Variants in MARCHF8 observed in about 807,000 individuals in gnomAD.
The protein encoded by MARCHF8 is membrane associated ring-CH-type finger 8.
A neutral mutation model predicts 51.6 loss-of-function variants in MARCHF8; 40 were observed. The observed-to-expected ratio is 0.77, with a 90% confidence interval of 0.60 to 1.01. MARCHF8 has a LOEUF of 1.01. MARCHF8 is among the 50% of genes least tolerant of loss of function. The probability of loss-of-function intolerance (pLI) is 0.00; values close to 1 mark genes in which losing one functional copy is unlikely to be tolerated. For missense variants in MARCHF8, 685 were observed against 708.6 expected, an observed-to-expected ratio of 0.97 and a Z score of 0.38; for synonymous variants, 263 against 280.3, an observed-to-expected ratio of 0.94 and a Z score of 0.62.
At chr10:45,537,134 T>C (rs567332518), upstream of MARCHF8, among the ~76,000 whole-genome samples, 1 of 152,022 alleles carries the variant, frequency 6.6e-6, no homozygotes, top group South Asian at 2.1e-4. Context: ...AATCCTAGGG[T>C]ATATACACCA....
upstream of MARCHF8, among the ~76,000 whole-genome samples, chr10:45,537,653 A>C (rs1192262827): frequency 6.4e-5 from 9 of 140,208 alleles, no homozygotes; most frequent in Admixed American, 5.0e-4. Flanking sequence ...ACCTTGTCTC[A>C]AAAAAAAAAA....
At chr10:45,569,154 C>T (rs2044401178) in intron 1 of MARCHF8, among the ~76,000 whole-genome samples, 1 of 151,978 alleles carries the variant, frequency 6.6e-6, no homozygotes, top group Non-Finnish European at 1.5e-5. Context: ...TGAATGCAGC[C>T]CTTAAGCCAT....
At chr10:45,485,278 G>A (rs1177099133) in intron 3 of MARCHF8, among the ~76,000 whole-genome samples, 1 of 152,194 alleles carries the variant, frequency 6.6e-6, no homozygotes, top group Non-Finnish European at 1.5e-5. Flanking sequence ...GCAGTGATAA[G>A]TGCGATCCTG....
At chr10:45,556,636 G>A (rs2044254540) in intron 1 of MARCHF8, among the ~76,000 whole-genome samples, 1 of 152,192 alleles carries the variant, frequency 6.6e-6, no homozygotes, top group Admixed American at 6.5e-5. Context: ...AGGATTTCCT[G>A]CTTTATGTTA....
intron 1 of MARCHF8, among the ~76,000 whole-genome samples, chr10:45,587,486 T>G (rs1211326030): frequency 6.6e-6 from 1 of 152,152 alleles, no homozygotes; most frequent in Admixed American, 6.6e-5. Flanking sequence ...TTCGATGACA[T>G]TAAAATAGCA....
At chr10:45,579,215 GA>G (rs2133416053) in intron 1 of MARCHF8, among the ~76,000 whole-genome samples, 1 of 152,234 alleles carries the variant, frequency 6.6e-6, no homozygotes, top group East Asian at 1.9e-4. Context: ...TGCATAAAAA[GA>G]AAGGGGGAAA....
At chr10:45,584,533 T>G (rs1488779480) in intron 1 of MARCHF8, among the ~76,000 whole-genome samples, 1 of 152,120 alleles carries the variant, frequency 6.6e-6, no homozygotes, top group Admixed American at 6.6e-5. Context: ...CTCCAATGTC[T>G]GCTAAGGTAA....
chr10:45,526,527 C>T (rs2043796980), intron 2 of MARCHF8, among the ~76,000 whole-genome samples: 1 of 152,122 alleles, frequency 6.6e-6, no homozygotes, highest in Admixed American at 6.5e-5. Flanking sequence ...CTGCTACCAG[C>T]CAACAAGCCA....
chr10:45,484,386 G>A (rs2042943610), intron 3 of MARCHF8, among the ~76,000 whole-genome samples: 1 of 152,174 alleles, frequency 6.6e-6, no homozygotes, highest in South Asian at 2.1e-4. Context: ...CCTGCGGTGA[G>A]GTGAAGGTCT....
chr10:45,490,041 C>G (rs2043054549), intron 2 of MARCHF8, among the ~76,000 whole-genome samples: 1 of 152,200 alleles, frequency 6.6e-6, no homozygotes, highest in Non-Finnish European at 1.5e-5. Context: ...CAAATTCTTC[C>G]TCCTCTCAAT....
intron 1 of MARCHF8, among the ~76,000 whole-genome samples, chr10:45,577,056 C>T (rs1385549529): frequency 1.3e-5 from 2 of 150,976 alleles, no homozygotes; most frequent in Non-Finnish European, 2.9e-5. Context: ...ATCATGAGGG[C>T]AGAGACTTCA....
chr10:45,523,806 T>C (rs2043747878), intron 2 of MARCHF8, among the ~76,000 whole-genome samples: 1 of 152,318 alleles, frequency 6.6e-6, no homozygotes, highest in South Asian at 2.1e-4. Context: ...ACAAGACTCT[T>C]GGTTTTACCT....
chr10:45,486,411 A>G (rs2042979546), intron 3 of MARCHF8, among the ~76,000 whole-genome samples: 1 of 152,208 alleles, frequency 6.6e-6, no homozygotes, highest in Non-Finnish European at 1.5e-5. Flanking sequence ...TAAAAATACA[A>G]AAATTAGCTG....
At chr10:45,584,467 C>A (rs536125062) in intron 1 of MARCHF8, among the ~76,000 whole-genome samples, 5 of 152,164 alleles carry the variant, frequency 3.3e-5, no homozygotes, top group Admixed American at 3.3e-4. Flanking sequence ...GATACCACTT[C>A]TCAGCCTAAA....
chr10:45,537,381 G>A (rs1480480510), upstream of MARCHF8, among the ~76,000 whole-genome samples: 1 of 152,202 alleles, frequency 6.6e-6, no homozygotes, highest in Non-Finnish European at 1.5e-5. Flanking sequence ...GGCCAGGTGT[G>A]GTGGTTCGCG....
chr10:45,508,615 A>G (rs2043433175), intron 2 of MARCHF8, among the ~76,000 whole-genome samples: 1 of 152,132 alleles, frequency 6.6e-6, no homozygotes, highest in Admixed American at 6.5e-5. Flanking sequence ...ATGGAGATGG[A>G]GTTTCATTAA....
chr10:45,582,528 G>C (rs777534574), intron 1 of MARCHF8, among the ~76,000 whole-genome samples: 23 of 152,138 alleles, frequency 1.5e-4, no homozygotes, highest in Non-Finnish European at 2.4e-4. Flanking sequence ...GAACTGAAAG[G>C]AATCAGAGAC....
intron 3 of MARCHF8, among the ~76,000 whole-genome samples, chr10:45,472,535 T>C (rs1175589097): frequency 6.6e-6 from 1 of 152,188 alleles, no homozygotes; most frequent in Non-Finnish European, 1.5e-5. Context: ...TTTGCTATAT[T>C]AGAACATCTT....
intron 3 of MARCHF8, among the ~76,000 whole-genome samples, chr10:45,484,873 C>G (rs2042952773): frequency 6.6e-6 from 1 of 152,110 alleles, no homozygotes; most frequent in African/African-American, 2.4e-5. Context: ...GGATCAGGTT[C>G]CAAGTGGCCA....
Sources: allele counts gnomAD v4.1 joint callset (sites outside exome capture counted in the v4.1 genomes callset), GRCh38; gene constraint gnomAD v4.1.1; transcripts MANE v1.5; gene names NCBI Gene and HGNC (gene_info 2026-07-23, HGNC 2026-07-21).